The following GMEB1 variants were observed in gnomAD, a reference collection of about 807,000 sequenced individuals.
GMEB1 encodes the protein glucocorticoid modulatory element-binding protein 1.
In GMEB1, 6 loss-of-function variants were observed where a neutral mutation model predicts 52.4. That is an observed-to-expected ratio of 0.11 (90% CI 0.06 to 0.23). The LOEUF (loss-of-function observed/expected upper bound fraction) is 0.23. Ranked by LOEUF, GMEB1 falls within the 10% of genes least tolerant of loss-of-function variation. The pLI, the probability that GMEB1 is intolerant of heterozygous loss-of-function variation, is 1.00. For synonymous variants in GMEB1, 255 were observed against 244.9 expected (o/e 1.04, Z -0.38); for missense variants, 486 against 685.6 (o/e 0.71, Z 3.25).
chr1:28,687,398 A>G, intron 2 of GMEB1, among the ~76,000 whole-genome samples: 1 of 142,708 alleles, frequency 7.0e-6, no homozygotes, highest in African/African-American at 2.6e-5. Context: ...AAAAAAAGAC[A>G]GTGGAGAATA....
chr1:28,698,460 G>C (rs1570418834), intron 6 of GMEB1, among the ~76,000 whole-genome samples: 1 of 151,564 alleles, frequency 6.6e-6, no homozygotes, highest in East Asian at 1.9e-4. Flanking sequence ...CAGATCTCAA[G>C]GTCAGGAGAT....
At position 28,680,353 on chromosome 1, in the gene GMEB1, G is replaced by A. The variant is rs563231852; in HGVS notation, c.-30-3230G>A. Reference sequence around the variant, plus strand: ...TACAAAGGTTTAGATAAGCAGTTTTGTAGATAAAATGTAAGTCTGATATTT... The same window carrying A: ...TACAAAGGTTTAGATAAGCAGTTTTATAGATAAAATGTAAGTCTGATATTT... On this transcript the variant is annotated intron_variant, in intron 1 of 9. Coordinates refer to ENST00000373816, the MANE Select transcript of GMEB1 (RefSeq NM_001319674.2). Among the ~76,000 whole-genome samples the A allele has an allele frequency of 2.0e-5, 3 of 152,310 alleles. No homozygotes were observed. The East Asian group carries it at 5.8e-4, about 29-fold the overall frequency.
chr1:28,688,217 A>C (rs1428683345), intron 2 of GMEB1, among the ~76,000 whole-genome samples: 2 of 152,188 alleles, frequency 1.3e-5, no homozygotes, highest in Non-Finnish European at 2.9e-5. Flanking sequence ...CGGGAGGCAG[A>C]GGTTGCAGTG....
intron 1 of GMEB1, among the ~76,000 whole-genome samples, chr1:28,674,554 T>C (rs190644950): frequency 6.4e-4 from 97 of 150,918 alleles, no homozygotes; most frequent in African/African-American, 2.2e-3. Context: ...GCCACCACGC[T>C]TGGCTAATTT....
chr1:28,700,462 C>T (rs1465161135), intron 6 of GMEB1, among the ~76,000 whole-genome samples: 4 of 148,566 alleles, frequency 2.7e-5, no homozygotes, highest in African/African-American at 1.0e-4. Context: ...TGCAGTTAGC[C>T]GAGATCGCGC....
In GMEB1 at chr1:28,714,936, A is replaced by G. The variant is rs1671224699; in HGVS notation, c.*163A>G. 3 of 601,410 alleles carry G rather than the reference A, an allele frequency of 5.0e-6. No homozygotes were observed. Among genetic ancestry groups the G allele is most frequent in the South Asian group, 4.6e-5 (2 of 43,800 alleles). 37.3% of individuals were successfully genotyped at this position (601,410 alleles called of 1,614,324 possible). A position where few individuals can be genotyped will look rare whatever the true frequency, so the allele number is the denominator to read the frequency against. On this transcript the variant is annotated 3_prime_UTR_variant, in exon 10 of 10. Transcript: ENST00000373816. ...AATGTTGGGTTCTTCCCACTCCCTC[A>G]TTGAAAAATGGACAAAACAAGCTGC...
Position 28,702,454 on chromosome 1 carries a change from T to G in GMEB1, c.615T>G (p.Ile205Met). The change falls in exon 7 of 10, where the codon ATT (isoleucine) becomes ATG (methionine). Residue 205 changes from isoleucine (I) to methionine (M), a missense_variant. Physicochemically the swap from Ile to Met is conservative, Grantham distance 10. Transcript: ENST00000373816. ...PTSADGSITQ[I>M]AISEESMEEA... ...TGTTTTTAGGTAGCATCACGCAGAT[T>G]GCCATCTCAGAAGAGAGCATGGAAG... 6.2e-6 allele frequency: 10 copies of G among 1,613,706 alleles called. No homozygotes were observed. Among genetic ancestry groups the G allele is most frequent in the Non-Finnish European group, 8.5e-6 (10 of 1,179,744 alleles).
Position 28,687,370 on chromosome 1 carries a change from ACACACACAC to A in GMEB1, c.129-2733_129-2725del, listed in dbSNP as rs1247134696. Among the ~76,000 whole-genome samples, 133 of 84,290 alleles carry A rather than the reference ACACACACAC, an allele frequency of 1.6e-3. 12 individuals carry two copies. Among genetic ancestry groups the A allele is most frequent in the African/African-American group, 5.5e-3 (121 of 22,156 alleles). 55.3% of individuals were successfully genotyped at this position (84,290 alleles called of 152,430 possible). A position where few individuals can be genotyped will look rare whatever the true frequency, so the allele number is the denominator to read the frequency against. ...CACACACACACACACACACACACAC[ACACACACAC>A]ACACACACAAAAAAAGACAGTGGAG... is the stretch of plus-strand genomic sequence containing the variant. On this transcript the variant is annotated intron_variant, in intron 2 of 9. Coordinates refer to ENST00000373816, the MANE Select transcript of GMEB1 (RefSeq NM_001319674.2).
At chr1:28,713,030 C>T (rs1162366114) in intron 9 of GMEB1, among the ~76,000 whole-genome samples, 6 of 149,320 alleles carry the variant, frequency 4.0e-5, no homozygotes, top group African/African-American at 1.2e-4. Flanking sequence ...CGGTGGCGGG[C>T]GCCTGTAGTC....
intron 6 of GMEB1, among the ~76,000 whole-genome samples, chr1:28,701,660 CT>C (rs890102049): frequency 2.0e-5 from 3 of 151,980 alleles, no homozygotes; most frequent in Non-Finnish European, 4.4e-5. Flanking sequence ...TCTTAAGCCC[CT>C]GGGCTCAGGT....
rs778184285 is a variant in GMEB1, at chr1:28,683,705, C to T, written c.93C>T (p.Thr31=). The T allele has an allele frequency of 1.9e-6, 3 of 1,611,096 alleles. No individual in the cohort carries two copies. The highest frequency in any genetic ancestry group is 2.5e-6 in the Non-Finnish European group (3 of 1,178,910). Residue 31 remains threonine (T), a synonymous_variant, in exon 2 of 10, where the codon ACC becomes ACT. Transcript: ENST00000373816. ...NEGENPEDTK[T]QVILQLQPVQ... ...GGGAGAATCCTGAAGACACTAAAAC[C>T]CAAGTGATTTTGCAGTTACAGCCTG...
intron 9 of GMEB1, among the ~76,000 whole-genome samples, chr1:28,711,440 A>G (rs949549024): frequency 1.3e-5 from 2 of 151,818 alleles, no homozygotes; most frequent in South Asian, 2.1e-4. Context: ...TCACCATGAC[A>G]TATTTTTCTT....
rs1669554999 is a variant in GMEB1, at chr1:28,684,638, A to G, written c.128+898A>G. Among the ~76,000 whole-genome samples the G allele has an allele frequency of 2.0e-5, 3 of 151,934 alleles. No homozygotes were observed. The South Asian group carries it at 6.2e-4, about 32-fold the overall frequency. On this transcript the variant is annotated intron_variant, in intron 2 of 9. Coordinates refer to ENST00000373816, the MANE Select transcript of GMEB1 (RefSeq NM_001319674.2). ...ATCATCCTCACCAAACCAACACAGG[A>G]ACAGAAAACCAAACACTGAATGTTC...
intron 1 of GMEB1, among the ~76,000 whole-genome samples, chr1:28,672,045 G>A (rs929889291): frequency 2.0e-5 from 3 of 150,702 alleles, no homozygotes; most frequent in African/African-American, 7.3e-5. Context: ...TTGGGAGGCG[G>A]AAGTTGCAGT....
chr1:28,696,558 A>C (rs1372314031), intron 5 of GMEB1, among the ~76,000 whole-genome samples: 8 of 152,098 alleles, frequency 5.3e-5, no homozygotes, highest in Non-Finnish European at 2.9e-5. Flanking sequence ...ATGTCCTATA[A>C]CGTTTTGTGG....
At chr1:28,696,599 G>A (rs1461296496) in intron 5 of GMEB1, among the ~76,000 whole-genome samples, 2 of 152,090 alleles carry the variant, frequency 1.3e-5, no homozygotes, top group African/African-American at 4.8e-5. Flanking sequence ...TCCAGAGTGG[G>A]TTTAGTATAG....
intron 5 of GMEB1, among the ~76,000 whole-genome samples, chr1:28,696,439 A>C (rs1332452148): frequency 6.6e-6 from 1 of 152,136 alleles, no homozygotes; most frequent in East Asian, 1.9e-4. Flanking sequence ...AGCATATGCC[A>C]ATTTTCCCCA....
chr1:28,682,432 C>A (rs1450829118), intron 1 of GMEB1, among the ~76,000 whole-genome samples: 1 of 151,840 alleles, frequency 6.6e-6, no homozygotes, highest in Non-Finnish European at 1.5e-5. Context: ...CCAGCCTGGC[C>A]AACACGGTGA....
intron 6 of GMEB1, among the ~76,000 whole-genome samples, chr1:28,699,199 G>A (rs1670377107): frequency 6.6e-6 from 1 of 152,128 alleles, no homozygotes; most frequent in Admixed American, 6.6e-5. Flanking sequence ...AAACAGATGA[G>A]CACACTTAAC....
Sources: allele counts gnomAD v4.1 joint callset (sites outside exome capture counted in the v4.1 genomes callset), GRCh38; gene constraint gnomAD v4.1.1; transcripts MANE v1.5; gene names NCBI Gene and HGNC (gene_info 2026-07-23, HGNC 2026-07-21).